BCAN: variants seen among roughly 807,000 people sequenced by gnomAD.
BCAN encodes the protein brevican core protein.
Under a neutral mutation model 92.4 loss-of-function variants are expected in BCAN, and 51 were observed. The ratio of observed to expected loss-of-function variants is 0.55; its 90% CI spans 0.44 to 0.70. The LOEUF is 0.70. BCAN is among the 30% of genes least tolerant of loss of function. The probability of loss-of-function intolerance (pLI) is 0.00; values close to 1 mark genes in which losing one functional copy is unlikely to be tolerated. For synonymous variants in BCAN, 501 were observed against 505.2 expected, an observed-to-expected ratio of 0.99 and a Z score of 0.11; for missense variants, 1,140 against 1,212.1, an observed-to-expected ratio of 0.94 and a Z score of 0.88.
In BCAN at chr1:156,658,537, T is replaced by C; in HGVS notation, c.2438-6T>C. 6.2e-7 allele frequency: 1 copy of C among 1,612,098 alleles called. No homozygotes were observed. Among genetic ancestry groups the C allele is most frequent in the Non-Finnish European group, 8.5e-7 (1 of 1,178,690 alleles). ...AGGCTCAGTTCCTAACTGTCTTCCTTTGCAGTGTCCTGTGGGCCGCCACCG... is the reference window on the plus strand; with the variant it reads ...AGGCTCAGTTCCTAACTGTCTTCCTCTGCAGTGTCCTGTGGGCCGCCACCG... On this transcript the variant is annotated splice_polypyrimidine_tract_variant and splice_region_variant and intron_variant, in intron 12 of 13. Transcript: ENST00000329117. This position sits in a 1 kb window ranked among gnomAD's most constrained non-coding sequence, Gnocchi z 4.4.
Position 156,647,985 on chromosome 1 carries a change from A to G in BCAN, c.644A>G (p.Tyr215Cys). Residue 215 changes from tyrosine to cysteine, a missense_variant and splice_region_variant, in exon 5 of 14, where the codon TAT (tyrosine) becomes TGT (cysteine). Physicochemically the swap from Tyr to Cys is radical, Grantham distance 194. Around this residue, in one of 3 missense-constraint regions of BCAN, gnomAD observed 29 missense variants for 56.2 expected, o/e 0.52. Coordinates refer to ENST00000329117, the MANE Select transcript of BCAN (RefSeq NM_021948.5). This position sits in a 1 kb window ranked among gnomAD's most constrained non-coding sequence, Gnocchi z 4.8. ...GTGATTCTGTCCTTCCTCCCTAGGT[A>G]TCCCATCCAGACCCCACGAGAGGCC... is the stretch of plus-strand genomic sequence containing the variant. ...AGWLSDQTVRYPIQTPREACY... is the reference protein window; with the variant it reads ...AGWLSDQTVRCPIQTPREACY... 1 of 1,613,350 alleles carries G rather than the reference A, an allele frequency of 6.2e-7. No individual in the cohort carries two copies. The highest frequency in any genetic ancestry group is 8.5e-7 in the Non-Finnish European group (1 of 1,179,406).
intron 2 of BCAN, among the ~76,000 whole-genome samples, chr1:156,646,353 G>A (rs2102555466): frequency 6.6e-6 from 1 of 152,306 alleles, no homozygotes; most frequent in African/African-American, 2.4e-5. Flanking sequence ...TGGGTGCAAG[G>A]CTTTGGGCCC....
At chr1:156,657,611 C>G (rs905283800) in intron 10 of BCAN, 64 bp from the exon 11 acceptor site, 2 of 1,420,168 alleles carry the variant, frequency 1.4e-6, no homozygotes, top group East Asian at 2.4e-5. Context: ...GCAGACCGCC[C>G]GGGAGCGGGG....
Position 156,656,302 on chromosome 1 carries a change from T to G in BCAN, c.1963T>G (p.Cys655Gly), listed in dbSNP as rs1445051594. 6.9e-6 allele frequency: 10 copies of G among 1,454,042 alleles called. No individual in the cohort carries two copies. The highest frequency in any genetic ancestry group is 9.0e-6 in the Non-Finnish European group (10 of 1,111,618). 90.1% of individuals were successfully genotyped at this position (1,454,042 alleles called of 1,614,324 possible). A position where few individuals can be genotyped will look rare whatever the true frequency, so the allele number is the denominator to read the frequency against. ...PASGDCVPSP[C>G]HNGGTCLEEE... Reference sequence around the variant, plus strand: ...CTCAGGTGACTGTGTCCCCAGCCCCTGCCACAATGGTGGGACATGCTTGGA... The same window carrying G: ...CTCAGGTGACTGTGTCCCCAGCCCCGGCCACAATGGTGGGACATGCTTGGA... Residue 655 changes from cysteine (C) to glycine (G), a missense_variant, in exon 9 of 14, where the codon TGC becomes GGC. Physicochemically the swap from Cys to Gly is radical, Grantham distance 159. This residue lies in a region of BCAN where 825 missense variants were observed against 871.8 expected (regional missense o/e 0.95). Transcript: ENST00000329117.
At chr1:156,654,586 G>A (rs538256957) in intron 8 of BCAN, among the ~76,000 whole-genome samples, 3 of 152,342 alleles carry the variant, frequency 2.0e-5, no homozygotes, top group South Asian at 2.1e-4. Flanking sequence ...CTCTGCCTGC[G>A]CTGGGTTCAG....
At position 156,646,906 on chromosome 1, in the gene BCAN, C is replaced by A. The variant is rs1398363469; in HGVS notation, c.197C>A (p.Pro66Gln). 3 of 1,611,336 alleles carry A rather than the reference C, an allele frequency of 1.9e-6. No homozygotes were observed. Among genetic ancestry groups the A allele is most frequent in the Non-Finnish European group, 2.5e-6 (3 of 1,179,060 alleles). ...PCHVHYLRPPPSRRAVLGSPR... is the reference protein window; with the variant it reads ...PCHVHYLRPPQSRRAVLGSPR... ...CACGTCCACTACCTGCGGCCACCGC[C>A]GAGCCGCCGGGCTGTGCTGGGCTCT... The change falls in exon 3 of 14, where the codon CCG becomes CAG. Residue 66 changes from proline (P) to glutamine (Q), a missense_variant. Transcript: ENST00000329117.
chr1:156,658,296 C>T lies in BCAN; in HGVS notation c.2437+25C>T. ...GGTGAGGGCAGGCAAAGGAGGGTCC[C>T]AGCAAGGAAGTGGAGGGGTGGGCTA... On this transcript the variant is annotated intron_variant, in intron 12 of 13. Coordinates refer to ENST00000329117, the MANE Select transcript of BCAN (RefSeq NM_021948.5). This position sits in a 1 kb window ranked among gnomAD's most constrained non-coding sequence, Gnocchi z 4.4. 1 of 1,611,122 alleles carries T rather than the reference C, an allele frequency of 6.2e-7. No homozygotes were observed. The highest frequency in any genetic ancestry group is 1.3e-5 in the African/African-American group (1 of 74,990).
Position 156,657,039 on chromosome 1 carries a change from A to C in BCAN, c.2152A>C (p.Met718Leu). The C allele has an allele frequency of 6.2e-7, 1 of 1,614,176 alleles. No homozygotes were observed. The highest frequency in any genetic ancestry group is 1.1e-5 in the South Asian group (1 of 91,072). ...SWEEAETQCR[M>L]YGAHLASIST... Reference sequence around the variant, plus strand: ...GGAGGAGGCAGAGACCCAGTGCCGGATGTACGGCGCGCATCTGGCCAGCAT... The same window carrying C: ...GGAGGAGGCAGAGACCCAGTGCCGGCTGTACGGCGCGCATCTGGCCAGCAT... The change falls in exon 10 of 14, where the codon ATG becomes CTG. Residue 718 changes from methionine to leucine, a missense_variant. Coordinates refer to ENST00000329117, the MANE Select transcript of BCAN (RefSeq NM_021948.5).
chr1:156,658,441 C>CT lies in BCAN; in HGVS notation c.2438-95dup, dbSNP rs1679413587. 4 of 1,485,298 alleles carry CT rather than the reference C, an allele frequency of 2.7e-6. No individual in the cohort carries two copies. The highest frequency in any genetic ancestry group is 1.3e-5 in the South Asian group (1 of 76,224). 92.0% of individuals were successfully genotyped at this position (1,485,298 alleles called of 1,614,324 possible). On this transcript the variant is annotated intron_variant, in intron 12 of 13. Coordinates refer to ENST00000329117, the MANE Select transcript of BCAN (RefSeq NM_021948.5). The surrounding 1 kb of genome is among the most constrained non-coding windows in gnomAD (Gnocchi z 4.4). ...CGTGGGTCCACTCGGAATCCCTGATCTTTTTTTGTCATGTTGTGGCCCATT... is the reference window on the plus strand; with the variant it reads ...CGTGGGTCCACTCGGAATCCCTGATCTTTTTTTTGTCATGTTGTGGCCCATT...
Position 156,658,444 on chromosome 1 carries a change from T to G in BCAN, c.2438-99T>G. On this transcript the variant is annotated intron_variant, in intron 12 of 13. Transcript: ENST00000329117. This position sits in a 1 kb window ranked among gnomAD's most constrained non-coding sequence, Gnocchi z 4.4. ...GGGTCCACTCGGAATCCCTGATCTT[T>G]TTTTGTCATGTTGTGGCCCATTTTT... 1 of 1,493,668 alleles carries G rather than the reference T, an allele frequency of 6.7e-7. No homozygotes were observed. The highest frequency in any genetic ancestry group is 9.0e-7 in the Non-Finnish European group (1 of 1,110,622). 92.5% of individuals were successfully genotyped at this position (1,493,668 alleles called of 1,614,324 possible).
chr1:156,658,902 C>A lies in BCAN; in HGVS notation c.2629-125C>A. 1 of 1,311,102 alleles carries A rather than the reference C, an allele frequency of 7.6e-7. No homozygotes were observed. Among genetic ancestry groups the A allele is most frequent in the Non-Finnish European group, 1.1e-6 (1 of 943,350 alleles). 81.2% of individuals were successfully genotyped at this position (1,311,102 alleles called of 1,614,324 possible). On this transcript the variant is annotated intron_variant, in intron 13 of 13. Coordinates refer to ENST00000329117, the MANE Select transcript of BCAN (RefSeq NM_021948.5). The surrounding 1 kb of genome is among the most constrained non-coding windows in gnomAD (Gnocchi z 4.4). ...TGGAGGCTCTGGGGTTCCTTCAGTG[C>A]TGATGTCTGATAACATGCAGCCCCA...
chr1:156,657,066 A>G lies in BCAN; in HGVS notation c.2179A>G (p.Ser727Gly). The change falls in exon 10 of 14, where the codon AGC becomes GGC. Residue 727 changes from serine to glycine, a missense_variant. Physicochemically the swap from Ser to Gly is moderately conservative, Grantham distance 56. Coordinates refer to ENST00000329117, the MANE Select transcript of BCAN (RefSeq NM_021948.5). Reference sequence around the variant, plus strand: ...GTACGGCGCGCATCTGGCCAGCATCAGCACACCCGAGGAACAGGACTTCAT... The same window carrying G: ...GTACGGCGCGCATCTGGCCAGCATCGGCACACCCGAGGAACAGGACTTCAT... Reference protein sequence around the residue: ...RMYGAHLASISTPEEQDFINN... With the variant: ...RMYGAHLASIGTPEEQDFINN... 6.2e-7 allele frequency: 1 copy of G among 1,614,132 alleles called. No homozygotes were observed.
chr1:156,648,132 C>T (rs764070846), intron 5 of BCAN, 22 bp downstream of exon 5: 1 of 1,605,724 alleles, frequency 6.2e-7, no homozygotes, highest in Non-Finnish European at 8.5e-7. Flanking sequence ...TGAGAGGTTC[C>T]CAGGGGACAA....
In BCAN at chr1:156,648,002, C is replaced by G; in HGVS notation, c.661C>G (p.Arg221Gly). ...QTVRYPIQTPREACYGDMDGF... is the reference protein window; with the variant it reads ...QTVRYPIQTPGEACYGDMDGF... The stretch of plus-strand genomic sequence containing the variant: ...CCCTAGGTATCCCATCCAGACCCCA[C>G]GAGAGGCCTGTTACGGAGACATGGA... Residue 221 changes from arginine (R) to glycine (G), a missense_variant, in exon 5 of 14, where the codon CGA (arginine) becomes GGA (glycine). Coordinates refer to ENST00000329117, the MANE Select transcript of BCAN (RefSeq NM_021948.5). The G allele has an allele frequency of 6.2e-7, 1 of 1,613,952 alleles. No homozygotes were observed. The highest frequency in any genetic ancestry group is 8.5e-7 in the Non-Finnish European group (1 of 1,179,898).
chr1:156,651,824 G>T, intron 7 of BCAN, 135 bp downstream of exon 7: 1 of 801,906 alleles, frequency 1.2e-6, no homozygotes, highest in Non-Finnish European at 1.9e-6. Context: ...AGGGGTGCAG[G>T]GCACCTTTCC....
At chr1:156,646,588 T>G in intron 2 of BCAN, 17 of 703,554 alleles carry the variant, frequency 2.4e-5, no homozygotes, top group East Asian at 3.1e-5. Context: ...CTGGGAGACT[T>G]TGGGGGATGG....
intron 10 of BCAN, 198 bp from the exon 11 acceptor site, chr1:156,657,477 A>G: frequency 1.8e-6 from 1 of 558,336 alleles, no homozygotes; most frequent in Non-Finnish European, 3.1e-6. Context: ...CTGGGTTGAT[A>G]TCTTCCTTAT....
At position 156,647,740 on chromosome 1, in the gene BCAN, C is replaced by A; in HGVS notation, c.641+58C>A. The A allele has an allele frequency of 6.4e-7, 1 of 1,554,852 alleles. No homozygotes were observed. Among genetic ancestry groups the A allele is most frequent in the Non-Finnish European group, 8.7e-7 (1 of 1,145,950 alleles). On this transcript the variant is annotated intron_variant, in intron 4 of 13. Transcript: ENST00000329117. This position sits in a 1 kb window ranked among gnomAD's most constrained non-coding sequence, Gnocchi z 4.8. ...GGCCCCTGAGGTGGCCATGGCCCCCCTTCTGCTGGGTGCTGCCTGCTGTGT... is the reference window on the plus strand; with the variant it reads ...GGCCCCTGAGGTGGCCATGGCCCCCATTCTGCTGGGTGCTGCCTGCTGTGT...
At chr1:156,643,635 C>CACACACAG (rs549293956) in intron 1 of BCAN, 113 of 103,854 alleles carry the variant, frequency 1.1e-3, no homozygotes, top group African/African-American at 3.6e-3. Context: ...CACACACACA[C>CACACACAG]AGAGAGAGAG....
Sources: allele counts gnomAD v4.1 joint callset (sites outside exome capture counted in the v4.1 genomes callset), GRCh38; gene constraint gnomAD v4.1.1; regional missense constraint gnomAD v4.1.1; non-coding constraint Gnocchi (gnomAD v3.1); transcripts MANE v1.5; gene names NCBI Gene and HGNC (gene_info 2026-07-23, HGNC 2026-07-21).